Variants in DGKB observed in about 807,000 individuals in gnomAD.
DGKB encodes diacylglycerol kinase beta.
Under a neutral mutation model 114.3 loss-of-function variants are expected in DGKB, and 67 were observed. The observed-to-expected ratio is 0.59, with a 90% CI of 0.48 to 0.72. The LOEUF is 0.72. Among genes scored for constraint, DGKB ranks in the 30% least tolerant of loss-of-function variants. DGKB has a pLI of 0.00. For synonymous variants in DGKB, 398 were observed against 323.1 expected (o/e 1.23, Z -2.49); for missense variants, 907 against 975.2 (o/e 0.93, Z 0.93).
chr7:14,523,000 A>G (rs1278355146), intron 20 of DGKB, among the ~76,000 whole-genome samples: 2 of 152,174 alleles, frequency 1.3e-5, no homozygotes, highest in Non-Finnish European at 1.5e-5. Flanking sequence ...TAACAGTCCC[A>G]TATTATCTAT....
At chr7:14,221,741 AT>A (rs1184405485) in intron 23 of DGKB, among the ~76,000 whole-genome samples, 3 of 151,236 alleles carry the variant, frequency 2.0e-5, no homozygotes, top group Non-Finnish European at 3.0e-5. Context: ...GTGGATATTA[AT>A]TTTTTGTCTT....
chr7:14,377,087 G>T (rs952348474), intron 21 of DGKB, among the ~76,000 whole-genome samples: 2 of 152,150 alleles, frequency 1.3e-5, no homozygotes, highest in Non-Finnish European at 2.9e-5. Flanking sequence ...AGGATGGGGG[G>T]TTCTGAACCA....
chr7:14,559,890 T>C (rs1796400399), intron 20 of DGKB, among the ~76,000 whole-genome samples: 1 of 151,838 alleles, frequency 6.6e-6, no homozygotes, highest in African/African-American at 2.4e-5. Context: ...TTACTTTTCT[T>C]TTCTCTTCTC....
intron 1 of DGKB, among the ~76,000 whole-genome samples, chr7:14,926,038 G>C (rs553362230): frequency 6.6e-6 from 1 of 152,018 alleles, no homozygotes; most frequent in African/African-American, 2.4e-5. Context: ...GGTTTCTGTA[G>C]ATTTTCTTTA....
upstream of DGKB, among the ~76,000 whole-genome samples, chr7:14,903,710 G>A (rs182386147): frequency 5.2e-3 from 787 of 152,308 alleles, 13 homozygotes; most frequent in Non-Finnish European, 2.3e-3. Flanking sequence ...CTCTATGTAT[G>A]TGTAACCAAT....
chr7:14,384,859 C>T (rs114903708), intron 21 of DGKB, among the ~76,000 whole-genome samples: 2,359 of 152,248 alleles, frequency 0.015, 49 homozygotes, highest in African/African-American at 0.05. Context: ...CTACAATGCA[C>T]AGGACCGCCA....
intron 2 of DGKB, among the ~76,000 whole-genome samples, chr7:14,823,613 G>A (rs79297350): frequency 0.047 from 7,065 of 151,312 alleles, 246 homozygotes; most frequent in East Asian, 0.16. Flanking sequence ...TTTTGACACT[G>A]GGAAAAAGAA....
At chr7:14,191,888 C>G in intron 23 of DGKB, 1 of 540,016 alleles carries the variant, frequency 1.9e-6, no homozygotes. Flanking sequence ...GTTTGCTGAG[C>G]TGAAGGAAAA....
chr7:14,387,718 C>T (rs780805942), intron 21 of DGKB, among the ~76,000 whole-genome samples: 3 of 151,992 alleles, frequency 2.0e-5, no homozygotes, highest in Non-Finnish European at 4.4e-5. Context: ...TGCCTAGCCT[C>T]ATGTAAGTTT....
chr7:14,600,444 A>G (rs1803339818), intron 17 of DGKB, among the ~76,000 whole-genome samples: 1 of 152,150 alleles, frequency 6.6e-6, no homozygotes, highest in Admixed American at 6.6e-5. Context: ...AGGAGCCCCA[A>G]AAGTTTTAAC....
chr7:14,466,844 G>A (rs1452237581), intron 21 of DGKB, among the ~76,000 whole-genome samples: 1 of 151,990 alleles, frequency 6.6e-6, no homozygotes, highest in Non-Finnish European at 1.5e-5. Flanking sequence ...CATTAATAAC[G>A]ATGGCGTTTA....
chr7:14,695,127 T>C (rs546400662), intron 8 of DGKB, among the ~76,000 whole-genome samples: 2 of 152,324 alleles, frequency 1.3e-5, no homozygotes, highest in East Asian at 1.9e-4. Context: ...TTGGTAGAAG[T>C]ATTGTCTGCC....
intron 1 of DGKB, among the ~76,000 whole-genome samples, chr7:14,947,626 A>C (rs1181501384): frequency 2.8e-5 from 4 of 141,992 alleles, no homozygotes; most frequent in Middle Eastern, 3.6e-3. Context: ...AACAAACCTG[A>C]AAGTTTTTAT....
At chr7:14,163,229 A>ACAAT (rs1254471027) in intron 25 of DGKB, among the ~76,000 whole-genome samples, 1 of 152,206 alleles carries the variant, frequency 6.6e-6, no homozygotes. Context: ...GAAATTAGTC[A>ACAAT]CAATCAATCC....
intron 2 of DGKB, among the ~76,000 whole-genome samples, chr7:14,822,179 TAGAC>T (rs1172824311): frequency 1.3e-5 from 2 of 152,166 alleles, no homozygotes; most frequent in Non-Finnish European, 2.9e-5. Context: ...AGATGTCAAT[TAGAC>T]AGCTGCTTAT....
intron 21 of DGKB, among the ~76,000 whole-genome samples, chr7:14,398,027 C>T (rs1291238847): frequency 6.6e-6 from 1 of 152,000 alleles, no homozygotes. Context: ...AATATCTGAA[C>T]ACTCAGCATC....
chr7:14,764,717 T>C (rs1836207063), intron 2 of DGKB, among the ~76,000 whole-genome samples: 2 of 151,786 alleles, frequency 1.3e-5, no homozygotes, highest in African/African-American at 4.8e-5. Context: ...TGTATGAATA[T>C]ATATTTTGTC....
chr7:14,533,579 CA>C, intron 20 of DGKB, among the ~76,000 whole-genome samples: 1 of 151,546 alleles, frequency 6.6e-6, no homozygotes, highest in East Asian at 1.9e-4. Context: ...TCATGATCCA[CA>C]AGTAACCGAA....
intron 23 of DGKB, among the ~76,000 whole-genome samples, chr7:14,329,885 C>T (rs1347873318): frequency 6.6e-6 from 1 of 151,842 alleles, no homozygotes; most frequent in African/African-American, 2.4e-5. Flanking sequence ...ATATGTCTAC[C>T]ACTGGGTACG....
Sources: gnomAD v4.1 joint callset for allele counts (sites outside exome capture counted in the v4.1 genomes callset) on GRCh38, gnomAD v4.1.1 for gene constraint, MANE v1.5 for transcripts, NCBI Gene and HGNC (gene_info 2026-07-23, HGNC 2026-07-21) for gene names.